Variants in KCNU1 observed in about 807,000 individuals in gnomAD.
KCNU1 encodes the protein potassium calcium-activated channel subfamily U member 1.
Under a neutral mutation model 126.8 loss-of-function variants are expected in KCNU1, and 93 were observed. The observed-to-expected ratio is 0.73, with a 90% CI of 0.62 to 0.87. The LOEUF is 0.87. Ranked by LOEUF, KCNU1 falls within the 40% of genes least tolerant of loss-of-function variation. The probability of loss-of-function intolerance (pLI) is 0.00; values close to 1 mark genes in which losing one functional copy is unlikely to be tolerated. For missense variants in KCNU1, 1,330 were observed against 1,367.1 expected, an observed-to-expected ratio of 0.97 and a Z score of 0.43; for synonymous variants, 523 against 494.2, an observed-to-expected ratio of 1.06 and a Z score of -0.77.
intron 18 of KCNU1, among the ~76,000 whole-genome samples, chr8:36,858,790 A>G (rs1169421116): frequency 6.6e-6 from 1 of 152,148 alleles, no homozygotes; most frequent in Non-Finnish European, 1.5e-5. Flanking sequence ...GCCAAATTTT[A>G]CCCACTTCTA....
chr8:36,799,623 C>T (rs1324367935), intron 2 of KCNU1, among the ~76,000 whole-genome samples: 1 of 151,758 alleles, frequency 6.6e-6, no homozygotes, highest in Non-Finnish European at 1.5e-5. Flanking sequence ...CAACCTCTGC[C>T]TCCCGGGTTC....
intron 24 of KCNU1, among the ~76,000 whole-genome samples, chr8:36,926,743 C>A (rs1364731895): frequency 6.6e-6 from 1 of 152,098 alleles, no homozygotes; most frequent in African/African-American, 2.4e-5. Context: ...ACACTTCCAA[C>A]CTGCAGCCCA....
At chr8:36,788,902 G>A (rs1280932689) in intron 2 of KCNU1, among the ~76,000 whole-genome samples, 1 of 152,182 alleles carries the variant, frequency 6.6e-6, no homozygotes, top group Non-Finnish European at 1.5e-5. Flanking sequence ...TCCATCATAT[G>A]AGCATTGCAT....
At chr8:36,935,384 C>A in intron 26 of KCNU1, 131 bp from the exon 27 acceptor site, 1 of 688,086 alleles carries the variant, frequency 1.5e-6, no homozygotes, top group Non-Finnish European at 2.5e-6. Context: ...AATCAGAAAC[C>A]CATGAAGCAA....
intron 22 of KCNU1, among the ~76,000 whole-genome samples, chr8:36,913,545 A>T (rs1807970995): frequency 6.6e-6 from 1 of 151,796 alleles, no homozygotes. Context: ...CTAAGGACAC[A>T]CCTAATGAAG....
intron 19 of KCNU1, among the ~76,000 whole-genome samples, chr8:36,903,795 A>G (rs1047767532): frequency 1.3e-5 from 2 of 152,134 alleles, no homozygotes; most frequent in African/African-American, 4.8e-5. Context: ...GAAGCTTACC[A>G]TCGTGGTGGA....
chr8:36,800,387 G>C (rs1803259445), intron 2 of KCNU1, among the ~76,000 whole-genome samples: 2 of 152,172 alleles, frequency 1.3e-5, no homozygotes, highest in Admixed American at 1.3e-4. Context: ...ATAAAGATAA[G>C]CTTGGGGAAT....
chr8:36,913,691 T>A (rs1807980245), intron 22 of KCNU1, among the ~76,000 whole-genome samples: 1 of 150,120 alleles, frequency 6.7e-6, no homozygotes, highest in African/African-American at 2.5e-5. Context: ...AAGCTCCGCC[T>A]CCCAGGTTCA....
chr8:36,909,666 A>G, intron 21 of KCNU1, 131 bp downstream of exon 21: 1 of 618,970 alleles, frequency 1.6e-6, no homozygotes, highest in East Asian at 2.8e-5. Flanking sequence ...TATTTTACCT[A>G]TATTAATTCA....
intron 22 of KCNU1, among the ~76,000 whole-genome samples, chr8:36,913,571 A>C (rs935470610): frequency 2.0e-5 from 3 of 151,270 alleles, no homozygotes; most frequent in Admixed American, 2.0e-4. Flanking sequence ...AGGTCTGCTT[A>C]TCTGGCACTG....
At chr8:36,833,324 T>C (rs1335219176) in intron 10 of KCNU1, among the ~76,000 whole-genome samples, 1 of 152,198 alleles carries the variant, frequency 6.6e-6, no homozygotes, top group Non-Finnish European at 1.5e-5. Flanking sequence ...AAATGCATAG[T>C]TGATTTAAAA....
chr8:36,867,592 T>G (rs1805957404), intron 19 of KCNU1, among the ~76,000 whole-genome samples: 1 of 152,186 alleles, frequency 6.6e-6, no homozygotes. Flanking sequence ...CAATCATGTT[T>G]GTGCTTTTGT....
At chr8:36,836,986 A>G (rs1222697917) in intron 14 of KCNU1, 41 bp downstream of exon 14, 8 of 1,596,928 alleles carry the variant, frequency 5.0e-6, no homozygotes, top group East Asian at 2.2e-5. Context: ...CTCTGTTCCT[A>G]TGTCCTACAT....
chr8:36,926,278 G>A (rs552278599), intron 24 of KCNU1, among the ~76,000 whole-genome samples: 12 of 152,082 alleles, frequency 7.9e-5, no homozygotes, highest in Non-Finnish European at 1.3e-4. Context: ...CCTCGCTGCC[G>A]CAATCAACTG....
At chr8:36,934,882 T>C (rs1808807256) in intron 26 of KCNU1, among the ~76,000 whole-genome samples, 1 of 152,158 alleles carries the variant, frequency 6.6e-6, no homozygotes, top group Non-Finnish European at 1.5e-5. Flanking sequence ...CAGTTCTGGA[T>C]ATTCTTTAGG....
chr8:36,841,303 T>C (rs1389298081), intron 16 of KCNU1, among the ~76,000 whole-genome samples: 2 of 152,112 alleles, frequency 1.3e-5, no homozygotes, highest in Non-Finnish European at 2.9e-5. Context: ...CAAATCTGTT[T>C]CTCTTAATAA....
At chr8:36,813,480 T>C (rs980940686) in intron 7 of KCNU1, among the ~76,000 whole-genome samples, 2 of 150,780 alleles carry the variant, frequency 1.3e-5, no homozygotes, top group African/African-American at 4.9e-5. Context: ...AAACTATACA[T>C]GTATAAATGT....
At chr8:36,875,796 C>G (rs1806259605) in intron 19 of KCNU1, among the ~76,000 whole-genome samples, 1 of 152,170 alleles carries the variant, frequency 6.6e-6, no homozygotes, top group East Asian at 1.9e-4. Flanking sequence ...TGATTTTATA[C>G]TCAGTCAAGC....
Position 36,935,751 on chromosome 8 carries a change from C to G in KCNU1, c.3281C>G (p.Pro1094Arg). The part of the protein sequence containing the change: ...TLYSPVYSYQ[P>R]RTNSLSFPKQ... ...TATTCACCAGTCTATTCTTACCAGCCGAGAACTAACTCCCTCTCTTTTCCT... is the reference window on the plus strand; with the variant it reads ...TATTCACCAGTCTATTCTTACCAGCGGAGAACTAACTCCCTCTCTTTTCCT... Residue 1094 changes from proline (P) to arginine (R), a missense_variant, in exon 27 of 27, where the codon CCG becomes CGG. By Grantham distance (103) the Pro-to-Arg change is moderately radical (BLOSUM62 -2). Coordinates refer to ENST00000399881, the MANE Select transcript of KCNU1 (RefSeq NM_001031836.3). The G allele has an allele frequency of 6.2e-7, 1 of 1,613,360 alleles. No individual in the cohort carries two copies. The highest frequency in any genetic ancestry group is 8.5e-7 in the Non-Finnish European group (1 of 1,179,488).
Sources: gnomAD v4.1 joint callset for allele counts (sites outside exome capture counted in the v4.1 genomes callset) on GRCh38, gnomAD v4.1.1 for gene constraint, MANE v1.5 for transcripts, NCBI Gene and HGNC (gene_info 2026-07-23, HGNC 2026-07-21) for gene names.